The following DOCK9 variants were observed in gnomAD, a reference collection of about 807,000 sequenced individuals.
DOCK9 encodes the protein dedicator of cytokinesis 9.
In DOCK9, 89 loss-of-function variants were observed where a neutral mutation model predicts 263.3. The ratio of observed to expected loss-of-function variants is 0.34; its 90% CI spans 0.28 to 0.40. The LOEUF (loss-of-function observed/expected upper bound fraction) is 0.40, where lower values mean the gene tolerates loss of function less well. Ranked by LOEUF, DOCK9 falls within the 10% of genes least tolerant of loss-of-function variation. The probability of loss-of-function intolerance (pLI) is 1.00; values close to 1 mark genes in which losing one functional copy is unlikely to be tolerated. For synonymous variants in DOCK9, 976 were observed against 973.1 expected, an observed-to-expected ratio of 1.00 and a Z score of -0.06; for missense variants, 2,140 against 2,603.4, an observed-to-expected ratio of 0.82 and a Z score of 3.87.
chr13:98,949,758 C>A (rs1595572241), intron 2 of DOCK9: 4 of 404,822 alleles, frequency 9.9e-6, no homozygotes, highest in Non-Finnish European at 1.4e-5. Context: ...TGTGTTCACC[C>A]CAGGTGAGGC....
At chr13:99,050,498 C>T (rs532948618) in intron 1 of DOCK9, among the ~76,000 whole-genome samples, 1 of 152,072 alleles carries the variant, frequency 6.6e-6, no homozygotes, top group Admixed American at 6.6e-5. Context: ...TCAAGACCAG[C>T]CTGGCCAACG....
chr13:98,824,440 G>T lies in DOCK9; in HGVS notation c.5088C>A (p.Ser1696=), dbSNP rs1335571557. ...CCTGCATCCCCACGTCTTCCATCAT[G>T]GAGGCCTCCTCGTCGATGTTTGGGG... ...VITPNIDEEA[S]MMEDVGMQDV... The change falls in exon 45 of 53, where the codon TCC becomes TCA. Residue 1696 remains serine (S), a synonymous_variant. Coordinates refer to ENST00000682017, the MANE Select transcript of DOCK9 (RefSeq NM_001366683.2). 13 of 1,613,910 alleles carry T rather than the reference G, an allele frequency of 8.1e-6. No homozygotes were observed. Among genetic ancestry groups the T allele is most frequent in the Non-Finnish European group, 1.1e-5 (13 of 1,179,816 alleles).
At chr13:98,868,050 A>C in intron 28 of DOCK9, 39 bp from the exon 29 acceptor site, 1 of 1,593,582 alleles carries the variant, frequency 6.3e-7, no homozygotes, top group East Asian at 2.2e-5. Flanking sequence ...TTTCAGGTCC[A>C]AACATTTCGG....
chr13:98,985,045 G>A (rs1279990948), intron 1 of DOCK9, among the ~76,000 whole-genome samples: 4 of 131,404 alleles, frequency 3.0e-5, no homozygotes, highest in Non-Finnish European at 4.7e-5. Flanking sequence ...ACTATAACGT[G>A]CTATCAGTGA....
At chr13:98,823,262 C>A (rs896589078) in intron 45 of DOCK9, among the ~76,000 whole-genome samples, 1 of 152,068 alleles carries the variant, frequency 6.6e-6, no homozygotes, top group African/African-American at 2.4e-5. Flanking sequence ...TGGGTCATTG[C>A]GTACAAAGAA....
intron 1 of DOCK9, among the ~76,000 whole-genome samples, chr13:99,068,165 C>A (rs1465393949): frequency 6.6e-6 from 1 of 152,180 alleles, no homozygotes; most frequent in East Asian, 1.9e-4. Context: ...TCTCTCATGC[C>A]ACCTCTTACA....
chr13:99,087,278 G>T (rs892031246), upstream of DOCK9, among the ~76,000 whole-genome samples: 1 of 152,254 alleles, frequency 6.6e-6, no homozygotes, highest in Non-Finnish European at 1.5e-5. Flanking sequence ...GCCGGGCCAG[G>T]CGTGGGAGAC....
At chr13:98,969,416 T>C (rs912799012) in intron 1 of DOCK9, among the ~76,000 whole-genome samples, 26 of 151,712 alleles carry the variant, frequency 1.7e-4, no homozygotes, top group Non-Finnish European at 3.2e-4. Context: ...TTTTTGCCTA[T>C]ACATTCCCCA....
At chr13:99,029,032 G>A (rs1454439327) in intron 1 of DOCK9, among the ~76,000 whole-genome samples, 1 of 152,162 alleles carries the variant, frequency 6.6e-6, no homozygotes, top group African/African-American at 2.4e-5. Context: ...CTGCCACCAG[G>A]GGACACTAGA....
At chr13:98,798,893 T>G (rs1482992400) in intron 50 of DOCK9, among the ~76,000 whole-genome samples, 1 of 152,228 alleles carries the variant, frequency 6.6e-6, no homozygotes, top group Non-Finnish European at 1.5e-5. Flanking sequence ...CAGGGCATAT[T>G]TTGCCTTTTA....
In DOCK9 at chr13:98,867,552, T is replaced by C. The variant is rs1322759412; in HGVS notation, c.3175-16A>G. ...CAAAGAGGGTCTGCAGGAAGAAGTG[T>C]GTAGTCATAAATACCTCACTGGATA... On this transcript the variant is annotated splice_polypyrimidine_tract_variant and intron_variant, in intron 29 of 52. Coordinates refer to ENST00000682017, the MANE Select transcript of DOCK9 (RefSeq NM_001366683.2). 6.7e-7 allele frequency: 1 copy of C among 1,484,306 alleles called. No homozygotes were observed. Among genetic ancestry groups the C allele is most frequent in the Non-Finnish European group, 9.4e-7 (1 of 1,069,398 alleles). 91.9% of individuals were successfully genotyped at this position (1,484,306 alleles called of 1,614,324 possible).
In DOCK9 at chr13:98,885,779, G is replaced by A. The variant is rs557998399; in HGVS notation, c.2189C>T (p.Thr730Ile). The change falls in exon 20 of 53, where the codon ACA becomes ATA. Residue 730 changes from threonine (T) to isoleucine (I), a missense_variant. By Grantham distance (89) the Thr-to-Ile change is moderately conservative (BLOSUM62 -1). Transcript: ENST00000682017. ...QLHEKHHLLLTFFHVSCDNSS... is the reference protein window; with the variant it reads ...QLHEKHHLLLIFFHVSCDNSS... ...GTTGTCACAGCTGACATGGAAGAAT[G>A]TGAGCAACAGGTGGTGCTTTTCATG... 4 of 1,612,952 alleles carry A rather than the reference G, an allele frequency of 2.5e-6. No homozygotes were observed. Among genetic ancestry groups the A allele is most frequent in the South Asian group, 2.2e-5 (2 of 90,838 alleles).
intron 7 of DOCK9, among the ~76,000 whole-genome samples, 152 bp from the exon 8 acceptor site, chr13:98,915,655 C>CA (rs2050782204): frequency 2.0e-5 from 3 of 150,660 alleles, no homozygotes; most frequent in South Asian, 4.3e-4. Flanking sequence ...AGCCCCCCCC[C>CA]ATGAAATCCC....
Position 98,965,926 on chromosome 13 carries a change from T to A in DOCK9, c.127-10375A>T, listed in dbSNP as rs575601251. Among the ~76,000 whole-genome samples the A allele has an allele frequency of 3.9e-5, 6 of 152,348 alleles. No homozygotes were observed. The East Asian group carries it at 9.6e-4, about 24-fold the overall frequency. ...CACTAACACGATGTTGAATTTCCTT[T>A]TTATACAGCAGTTATACAGATTTGA... On this transcript the variant is annotated intron_variant, in intron 1 of 52. Coordinates refer to ENST00000682017, the MANE Select transcript of DOCK9 (RefSeq NM_001366683.2).
intron 1 of DOCK9, among the ~76,000 whole-genome samples, chr13:98,991,262 T>G (rs1369754686): frequency 6.6e-6 from 1 of 152,126 alleles, no homozygotes; most frequent in Non-Finnish European, 1.5e-5. Flanking sequence ...AGTAGAGACG[T>G]GGTCTCACCA....
chr13:98,867,334 T>C, intron 30 of DOCK9, 91 bp downstream of exon 30: 1 of 808,660 alleles, frequency 1.2e-6, no homozygotes, highest in South Asian at 1.8e-5. Context: ...AATCAGAAAA[T>C]TCAAATATCA....
At chr13:99,068,886 T>C (rs994167131) in intron 1 of DOCK9, among the ~76,000 whole-genome samples, 12 of 152,182 alleles carry the variant, frequency 7.9e-5, no homozygotes, top group Non-Finnish European at 1.8e-4. Context: ...ATAAATATTA[T>C]GGCACCTCTG....
chr13:98,930,228 G>C lies in DOCK9; in HGVS notation c.273C>G (p.Tyr91Ter). 1 of 1,611,926 alleles carries C rather than the reference G, an allele frequency of 6.2e-7. No homozygotes were observed. The highest frequency in any genetic ancestry group is 1.1e-5 in the South Asian group (1 of 90,260). ...CCTTCGCAGGCACTGTTGAGCATAT[G>C]TATCGACCCTGTCGTCTCAGGATGG... ...QTAILRRQGRYICSTVPAKAE... is the reference protein window; with the variant it reads ...QTAILRRQGR Residue 91 changes from tyrosine (Y) to a stop codon, truncating the protein, a stop_gained, in exon 3 of 53, where the codon TAC (tyrosine) becomes TAG (stop). Coordinates refer to ENST00000682017, the MANE Select transcript of DOCK9 (RefSeq NM_001366683.2). LOFTEE classifies it high-confidence loss of function.
chr13:99,073,887 A>G (rs559983612), intron 1 of DOCK9, among the ~76,000 whole-genome samples: 11 of 152,166 alleles, frequency 7.2e-5, no homozygotes, highest in Non-Finnish European at 1.6e-4. Flanking sequence ...TGTTATCTTG[A>G]TATTTTTAAA....
Sources: allele counts gnomAD v4.1 joint callset (sites outside exome capture counted in the v4.1 genomes callset), GRCh38; gene constraint gnomAD v4.1.1; transcripts MANE v1.5; gene names NCBI Gene and HGNC (gene_info 2026-07-23, HGNC 2026-07-21).